AGPAT5: variants seen among roughly 807,000 people sequenced by gnomAD.
AGPAT5 encodes the protein 1-acylglycerol-3-phosphate O-acyltransferase 5.
AGPAT5 carries 46 observed loss-of-function variants against 45.6 expected under a neutral mutation model. The observed-to-expected ratio is 1.01, with a 90% CI of 0.80 to 1.29. The LOEUF (loss-of-function observed/expected upper bound fraction) is 1.29. Ranked by LOEUF, AGPAT5 falls within the 50% of genes most tolerant of loss-of-function variation. The pLI is 0.00. For synonymous variants in AGPAT5, 272 were observed against 167.0 expected, an observed-to-expected ratio of 1.63 and a Z score of -4.85; for missense variants, 673 against 450.7, an observed-to-expected ratio of 1.49 and a Z score of -4.47.
chr8:6,738,263 A>G (rs988630053), intron 4 of AGPAT5: 2 of 152,330 alleles, frequency 1.3e-5, no homozygotes, highest in South Asian at 2.1e-4. Context: ...TGGAACGCTT[A>G]GCAGCCATTG....
chr8:6,735,259 A>G (rs1273925565), intron 4 of AGPAT5, among the ~76,000 whole-genome samples: 1 of 152,146 alleles, frequency 6.6e-6, no homozygotes, highest in Non-Finnish European at 1.5e-5. Context: ...GCTGTTCCAT[A>G]GGAAAGGTAG....
At chr8:6,713,455 G>C (rs1213727406) in intron 1 of AGPAT5, among the ~76,000 whole-genome samples, 2 of 152,142 alleles carry the variant, frequency 1.3e-5, no homozygotes, top group African/African-American at 4.8e-5. Flanking sequence ...GTTTTCAGTT[G>C]ACCTGCTTTA....
At chr8:6,744,717 A>C (rs1801372224) in intron 5 of AGPAT5, among the ~76,000 whole-genome samples, 2 of 152,006 alleles carry the variant, frequency 1.3e-5, no homozygotes, top group South Asian at 4.2e-4. Flanking sequence ...ACTCGCTCTA[A>C]ACCTGTGTTT....
intron 1 of AGPAT5, among the ~76,000 whole-genome samples, chr8:6,723,727 A>G (rs778991003): frequency 7.9e-5 from 12 of 152,218 alleles, no homozygotes; most frequent in Non-Finnish European, 1.5e-4. Flanking sequence ...CATACATAGC[A>G]CTGTGCAGTT....
chr8:6,708,992 G>A (rs777508811), intron 1 of AGPAT5, 105 bp downstream of exon 1: 2 of 1,148,322 alleles, frequency 1.7e-6, no homozygotes, highest in South Asian at 1.3e-5. Context: ...CCGGCCCGGC[G>A]GACCCAGCAC....
intron 2 of AGPAT5, among the ~76,000 whole-genome samples, chr8:6,727,507 G>A (rs1048048771): frequency 6.6e-6 from 1 of 151,740 alleles, no homozygotes; most frequent in African/African-American, 2.4e-5. Context: ...TCAGCCTCCC[G>A]AGTAGCTGGG....
chr8:6,724,957 A>G lies in AGPAT5; in HGVS notation c.289+18A>G, dbSNP rs375346201. On this transcript the variant is annotated intron_variant, in intron 2 of 7. Transcript: ENST00000285518. ...AAGCACAGGTTTGTATTTCATTTGC[A>G]TGAAACATAGGTTTTTCTACAGATG... The G allele has an allele frequency of 5.6e-6, 6 of 1,062,470 alleles. No homozygotes were observed. The Admixed American group carries it at 2.0e-4, about 35-fold the overall frequency. 65.8% of individuals were successfully genotyped at this position (1,062,470 alleles called of 1,614,324 possible). A position where few individuals can be genotyped will look rare whatever the true frequency, so the allele number is the denominator to read the frequency against.
intron 4 of AGPAT5, among the ~76,000 whole-genome samples, chr8:6,736,525 G>T (rs1039854647): frequency 6.6e-6 from 1 of 152,184 alleles, no homozygotes; most frequent in African/African-American, 2.4e-5. Flanking sequence ...CTTGTTTTCT[G>T]CTGTTCTTGC....
intron 1 of AGPAT5, among the ~76,000 whole-genome samples, chr8:6,720,335 CCTT>C (rs1800459307): frequency 6.6e-6 from 1 of 152,118 alleles, no homozygotes. Context: ...AGATAGTTTT[CCTT>C]ATGATGTTAC....
At chr8:6,708,980 G>A (rs545501024) in intron 1 of AGPAT5, 93 bp downstream of exon 1, 1 of 1,270,490 alleles carries the variant, frequency 7.9e-7, no homozygotes. Flanking sequence ...AGGGTCACCC[G>A]GCCGGCCCGG....
intron 7 of AGPAT5, among the ~76,000 whole-genome samples, chr8:6,756,659 A>C (rs769849865): frequency 1.3e-5 from 2 of 151,798 alleles, no homozygotes; most frequent in Admixed American, 6.6e-5. Flanking sequence ...TGTTATATTC[A>C]AATACATGCC....
At chr8:6,716,068 CCTTG>C (rs1300292187) in intron 1 of AGPAT5, among the ~76,000 whole-genome samples, 1 of 151,948 alleles carries the variant, frequency 6.6e-6, no homozygotes, top group Non-Finnish European at 1.5e-5. Flanking sequence ...CAACTCAAGC[CCTTG>C]CTTTTCTCCA....
intron 7 of AGPAT5, among the ~76,000 whole-genome samples, chr8:6,756,835 G>T (rs1349000555): frequency 6.6e-6 from 1 of 152,134 alleles, no homozygotes; most frequent in Non-Finnish European, 1.5e-5. Flanking sequence ...AGGAGAAGCT[G>T]CAGCGGGTTA....
At position 6,732,668 on chromosome 8, in the gene AGPAT5, T is replaced by G. The variant is rs756210228; in HGVS notation, c.495+18T>G. On this transcript the variant is annotated intron_variant, in intron 4 of 7. Coordinates refer to ENST00000285518, the MANE Select transcript of AGPAT5 (RefSeq NM_018361.5). ...GAACTCCAGTAAGAGCCTACCCGTT[T>G]TTATTTTTCTTACCAGCTCTCAGTT... 6.4e-7 allele frequency: 1 copy of G among 1,558,362 alleles called. No individual in the cohort carries two copies. The highest frequency in any genetic ancestry group is 8.7e-7 in the Non-Finnish European group (1 of 1,153,336).
intron 1 of AGPAT5, among the ~76,000 whole-genome samples, chr8:6,715,174 A>C (rs1258127868): frequency 6.6e-6 from 1 of 152,218 alleles, no homozygotes; most frequent in Non-Finnish European, 1.5e-5. Context: ...GGGAAGACAA[A>C]CAATAACAAG....
At chr8:6,737,177 C>CG (rs2116916213) in intron 4 of AGPAT5, among the ~76,000 whole-genome samples, 1 of 152,284 alleles carries the variant, frequency 6.6e-6, no homozygotes, top group East Asian at 1.9e-4. Context: ...TTCAAGAGGC[C>CG]GTGCTGAGCA....
At chr8:6,739,057 AT>A (rs1471941147) in intron 4 of AGPAT5, among the ~76,000 whole-genome samples, 1 of 152,048 alleles carries the variant, frequency 6.6e-6, no homozygotes, top group Non-Finnish European at 1.5e-5. Context: ...AGAAAAGATT[AT>A]TTCCCCCCAA....
At chr8:6,751,446 G>A (rs936668787) in intron 6 of AGPAT5, among the ~76,000 whole-genome samples, 6 of 152,200 alleles carry the variant, frequency 3.9e-5, no homozygotes, top group South Asian at 2.1e-4. Flanking sequence ...CTACCAGGAC[G>A]CTCTGCAGGT....
rs371529421 is a variant in AGPAT5, at chr8:6,730,840, A to G, written c.405+14A>G. 5.7e-6 allele frequency: 9 copies of G among 1,566,626 alleles called. No homozygotes were observed. Among genetic ancestry groups the G allele is most frequent in the Non-Finnish European group, 7.9e-6 (9 of 1,139,552 alleles). On this transcript the variant is annotated intron_variant, in intron 3 of 7. Coordinates refer to ENST00000285518, the MANE Select transcript of AGPAT5 (RefSeq NM_018361.5). ...TACTTTGCTCAGGTAACTTGTTTCC[A>G]TGCTTTTCTCTCTATATATGTAGTT... is the stretch of plus-strand genomic sequence containing the variant.
Sources: allele counts gnomAD v4.1 joint callset (sites outside exome capture counted in the v4.1 genomes callset), GRCh38; gene constraint gnomAD v4.1.1; transcripts MANE v1.5; gene names NCBI Gene and HGNC (gene_info 2026-07-23, HGNC 2026-07-21).